Variants in SNTB1 observed in about 807,000 individuals in gnomAD.
The protein encoded by SNTB1 is syntrophin beta 1, also known as beta-1-syntrophin.
SNTB1 carries 36 observed loss-of-function variants against 48.9 expected under a neutral mutation model. That is an observed-to-expected ratio of 0.74 (90% CI 0.56 to 0.97). The LOEUF (loss-of-function observed/expected upper bound fraction) is 0.97. Ranked by LOEUF, SNTB1 falls within the 50% of genes least tolerant of loss-of-function variation. The pLI, the probability that SNTB1 is intolerant of heterozygous loss-of-function variation, is 0.00. For missense variants in SNTB1, 786 were observed against 703.4 expected, an observed-to-expected ratio of 1.12 and a Z score of -1.33; for synonymous variants, 299 against 294.6, an observed-to-expected ratio of 1.01 and a Z score of -0.15.
intron 5 of SNTB1, among the ~76,000 whole-genome samples, chr8:120,548,028 C>A (rs555131751): frequency 6.6e-6 from 1 of 152,094 alleles, no homozygotes; most frequent in African/African-American, 2.4e-5. Context: ...GTCTTGGGGG[C>A]GGATCCTTCA....
In SNTB1 at chr8:120,558,360, C is replaced by T. The variant is rs544272863; in HGVS notation, c.1137-9402G>A. On this transcript the variant is annotated intron_variant, in intron 4 of 6. Transcript: ENST00000517992. ...AGAAGAAAATACTGGCACCCTGGGA[C>T]GGGGTTTGAAGCTGAATTTGAAGCT... 4.6e-5 allele frequency among the ~76,000 whole-genome samples: 7 copies of T among 152,230 alleles called. No individual in the cohort carries two copies. In the South Asian group the frequency reaches 1.0e-3, roughly 23 times the overall value.
chr8:120,639,547 A>T (rs1273992198), intron 2 of SNTB1, among the ~76,000 whole-genome samples: 8 of 152,058 alleles, frequency 5.3e-5, no homozygotes, highest in Non-Finnish European at 8.8e-5. Context: ...TATTGAATTA[A>T]TTTTTGTATA....
intron 3 of SNTB1, among the ~76,000 whole-genome samples, chr8:120,621,731 C>T (rs562595700): frequency 1.5e-4 from 23 of 152,196 alleles, no homozygotes; most frequent in African/African-American, 4.8e-4. Flanking sequence ...AATGGGTCAC[C>T]GTGACCAGAA....
chr8:120,765,935 T>C (rs1563594987), intron 1 of SNTB1: 2 of 152,202 alleles, frequency 1.3e-5, no homozygotes, highest in Non-Finnish European at 2.9e-5. Flanking sequence ...TGATCACCTA[T>C]GTCTCAGCTT....
At chr8:120,625,169 C>T (rs1816854336) in intron 3 of SNTB1, among the ~76,000 whole-genome samples, 1 of 152,204 alleles carries the variant, frequency 6.6e-6, no homozygotes, top group Non-Finnish European at 1.5e-5. Flanking sequence ...GACCTCATCA[C>T]CTCTTAAAGG....
At position 120,538,436 on chromosome 8, in the gene SNTB1, G is replaced by A. The variant is rs564066876; in HGVS notation, c.*441C>T. The A allele has an allele frequency of 1.5e-5, 3 of 202,672 alleles. No individual in the cohort carries two copies. The highest frequency in any genetic ancestry group is 8.6e-5 in the South Asian group (1 of 11,590). The allele number at this position is 202,672 out of a possible 1,614,324, so 12.6% of individuals were successfully genotyped here. A position where few individuals can be genotyped will look rare whatever the true frequency, so the allele number is the denominator to read the frequency against. Reference sequence around the variant, plus strand: ...AGGAAATAAATCACAATAAGAAAAGGGATCACTGTTACTGGGGATAGGGGG... The same window carrying A: ...AGGAAATAAATCACAATAAGAAAAGAGATCACTGTTACTGGGGATAGGGGG... On this transcript the variant is annotated 3_prime_UTR_variant, in exon 7 of 7. Transcript: ENST00000517992.
chr8:120,667,241 CT>C (rs1264036352), intron 2 of SNTB1, among the ~76,000 whole-genome samples: 2 of 152,076 alleles, frequency 1.3e-5, no homozygotes, highest in African/African-American at 4.8e-5. Context: ...CTACTTCAGC[CT>C]TCTAAGTAGC....
At chr8:120,664,352 CT>C (rs1817639969) in intron 2 of SNTB1, among the ~76,000 whole-genome samples, 1 of 152,124 alleles carries the variant, frequency 6.6e-6, no homozygotes, top group South Asian at 2.1e-4. Context: ...AAGACTATTT[CT>C]ATAACTGCAT....
intron 3 of SNTB1, among the ~76,000 whole-genome samples, chr8:120,620,275 C>G (rs892924239): frequency 5.9e-5 from 9 of 152,112 alleles, no homozygotes; most frequent in African/African-American, 1.9e-4. Flanking sequence ...CCTGTGCCAG[C>G]CATTATACAA....
intron 4 of SNTB1, among the ~76,000 whole-genome samples, chr8:120,556,118 C>T (rs994641941): frequency 3.9e-5 from 6 of 152,288 alleles, no homozygotes; most frequent in African/African-American, 1.4e-4. Context: ...TGGATTAAGC[C>T]TCAAGGAGAC....
chr8:120,557,328 G>A (rs1273020048), intron 4 of SNTB1, among the ~76,000 whole-genome samples: 2 of 152,198 alleles, frequency 1.3e-5, no homozygotes, highest in Non-Finnish European at 2.9e-5. Context: ...TCTGGACCTT[G>A]GCTAATCTAG....
At chr8:120,740,757 C>A (rs75454337) in intron 1 of SNTB1, among the ~76,000 whole-genome samples, 18,560 of 147,942 alleles carry the variant, frequency 0.13, 1,457 homozygotes, top group Non-Finnish European at 0.19. Flanking sequence ...TTCTTTTCTT[C>A]TTCTTTTTTT....
intron 2 of SNTB1, chr8:120,637,697 G>A (rs1229883760): frequency 7.1e-6 from 3 of 422,858 alleles, no homozygotes; most frequent in African/African-American, 4.3e-5. Context: ...CCCATTCATG[G>A]CTGCACTTAT....
At chr8:120,547,889 C>T (rs1211364433) in intron 5 of SNTB1, among the ~76,000 whole-genome samples, 8 of 152,182 alleles carry the variant, frequency 5.3e-5, no homozygotes, top group Admixed American at 4.6e-4. Flanking sequence ...AGCTCAATGC[C>T]TTTGGCTCCT....
chr8:120,740,617 C>T (rs1819025915), intron 1 of SNTB1, among the ~76,000 whole-genome samples: 1 of 152,148 alleles, frequency 6.6e-6, no homozygotes, highest in Admixed American at 6.5e-5. Flanking sequence ...TGTTAAGCAG[C>T]TCCAGGCATT....
intron 1 of SNTB1, among the ~76,000 whole-genome samples, chr8:120,774,432 T>C (rs1017679042): frequency 3.3e-5 from 5 of 152,166 alleles, no homozygotes; most frequent in Admixed American, 6.5e-5. Context: ...AGGAGGAGGA[T>C]GGTACTATCA....
chr8:120,799,986 C>A (rs1820195261), intron 1 of SNTB1, among the ~76,000 whole-genome samples: 1 of 152,040 alleles, frequency 6.6e-6, no homozygotes, highest in African/African-American at 2.4e-5. Flanking sequence ...ACAGCTACTG[C>A]AGAAAACTCA....
At chr8:120,601,727 A>C (rs1816425168) in intron 3 of SNTB1, among the ~76,000 whole-genome samples, 1 of 152,202 alleles carries the variant, frequency 6.6e-6, no homozygotes, top group Non-Finnish European at 1.5e-5. Context: ...TGCCATGCCA[A>C]AACAGCCTCC....
intron 1 of SNTB1, among the ~76,000 whole-genome samples, chr8:120,710,857 C>A (rs928111670): frequency 6.6e-6 from 1 of 152,104 alleles, no homozygotes; most frequent in East Asian, 1.9e-4. Flanking sequence ...TCTGTTACAG[C>A]AGTACAAATA....
Sources: gnomAD v4.1 joint callset for allele counts (sites outside exome capture counted in the v4.1 genomes callset) on GRCh38, gnomAD v4.1.1 for gene constraint, MANE v1.5 for transcripts, NCBI Gene and HGNC (gene_info 2026-07-23, HGNC 2026-07-21) for gene names.